Variants in ICE2 observed in about 807,000 individuals in gnomAD.
ICE2 encodes interactor of little elongation complex ELL subunit 2, also known as little elongation complex subunit 2.
ICE2 carries 87 observed loss-of-function variants against 105.4 expected under a neutral mutation model. The observed-to-expected ratio is 0.83, with a 90% CI of 0.69 to 0.99. ICE2 has a LOEUF of 0.99. ICE2 is among the 50% of genes least tolerant of loss of function. ICE2 has a pLI of 0.00. For synonymous variants in ICE2, 399 were observed against 392.0 expected (o/e 1.02, Z -0.21); for missense variants, 1,323 against 1,146.7 (o/e 1.15, Z -2.22).
intron 4 of ICE2, 48 bp from the exon 5 acceptor site, chr15:60,466,761 A>G: frequency 6.9e-7 from 1 of 1,449,186 alleles, no homozygotes; most frequent in Non-Finnish European, 9.4e-7. Context: ...AGTTTCATTA[A>G]AAAGAATCAC....
chr15:60,457,661 G>A (rs777295294), intron 5 of ICE2, among the ~76,000 whole-genome samples: 8 of 151,956 alleles, frequency 5.3e-5, no homozygotes, highest in Admixed American at 2.0e-4. Context: ...TTCATCTATA[G>A]TTTCAGAACC....
chr15:60,424,687 T>C (rs1301616360), intron 15 of ICE2, among the ~76,000 whole-genome samples: 2 of 152,198 alleles, frequency 1.3e-5, no homozygotes. Context: ...TTTTGTATTA[T>C]TAGTAGAGAT....
chr15:60,419,761 T>A lies in ICE2; in HGVS notation c.*3873A>T, dbSNP rs1017193373. On this transcript the variant is annotated 3_prime_UTR_variant, in exon 16 of 16. Transcript: ENST00000261520. The stretch of plus-strand genomic sequence containing the variant: ...AATACTACTATATACCTATAATGCA[T>A]AGAAAACGTCTTAACATCTTTACAA... 1 of 152,228 alleles carries A rather than the reference T, an allele frequency of 6.6e-6. No individual in the cohort carries two copies. Among genetic ancestry groups the A allele is most frequent in the South Asian group, 2.1e-4 (1 of 4,832 alleles). 9.4% of individuals were successfully genotyped at this position (152,228 alleles called of 1,614,324 possible). A position where few individuals can be genotyped will look rare whatever the true frequency, so the allele number is the denominator to read the frequency against.
Position 60,420,418 on chromosome 15 carries a change from T to C in ICE2, c.*3216A>G, listed in dbSNP as rs1308675045. 2 of 152,250 alleles carry C rather than the reference T, an allele frequency of 1.3e-5. No individual in the cohort carries two copies. The highest frequency in any genetic ancestry group is 2.4e-5 in the African/African-American group (1 of 41,448). 9.4% of individuals were successfully genotyped at this position (152,250 alleles called of 1,614,324 possible). On this transcript the variant is annotated 3_prime_UTR_variant, in exon 16 of 16. Transcript: ENST00000261520. ...ACACAGGCTCCCAACATTTCTTCTT[T>C]CGCTTCCCAGCTCCATCGCATTCTC...
rs370188878 is a variant in ICE2 at position 60,464,439 on chromosome 15, A to G, written c.528+2155T>C. 4.9e-4 allele frequency among the ~76,000 whole-genome samples: 75 copies of G among 152,324 alleles called. 1 individual carries two copies. The East Asian group carries it at 0.013, about 27-fold the overall frequency. On this transcript the variant is annotated intron_variant, in intron 5 of 15. Coordinates refer to ENST00000261520, the MANE Select transcript of ICE2 (RefSeq NM_024611.6). ...TGTGGTAAAGGGAAAAGTGAGGGTC[A>G]TACTACATTCCATAGGGTAATCAGG...
intron 13 of ICE2, among the ~76,000 whole-genome samples, chr15:60,435,035 G>A (rs150368992): frequency 0.018 from 2,708 of 152,258 alleles, 87 homozygotes; most frequent in African/African-American, 0.057. Context: ...TGTAATCTCA[G>A]CACTTGGGAG....
At chr15:60,454,859 C>T (rs1052133152) in intron 8 of ICE2, 144 bp downstream of exon 8, 1 of 650,704 alleles carries the variant, frequency 1.5e-6, no homozygotes, top group Non-Finnish European at 2.4e-6. Context: ...TCACCTTGCC[C>T]CCCACCCCCT....
At chr15:60,447,919 T>A in intron 11 of ICE2, 51 bp downstream of exon 11, 1 of 1,392,424 alleles carries the variant, frequency 7.2e-7, no homozygotes, top group Non-Finnish European at 1.0e-6. Flanking sequence ...ATGTTAAGTA[T>A]CTATTGATTA....
intron 12 of ICE2, chr15:60,440,387 CTA>C (rs1038915230): frequency 3.3e-5 from 5 of 152,036 alleles, no homozygotes; most frequent in African/African-American, 1.2e-4. Context: ...TGCAATGAGA[CTA>C]TGTGGGAAAC....
rs2063237025 is a variant in ICE2 at position 60,420,938 on chromosome 15, T to A, written c.*2696A>T. On this transcript the variant is annotated 3_prime_UTR_variant, in exon 16 of 16. Transcript: ENST00000261520. The stretch of plus-strand genomic sequence containing the variant: ...GTATTAGGTGTTTATTACTTAATGG[T>A]GAACAAAACAAATATGCCCCTGTCC... 1 of 150,800 alleles carries A rather than the reference T, an allele frequency of 6.6e-6. No homozygotes were observed. The highest frequency in any genetic ancestry group is 2.4e-5 in the African/African-American group (1 of 41,256). The allele number at this position is 150,800 out of a possible 1,614,324, so 9.3% of individuals were successfully genotyped here.
chr15:60,430,945 C>G (rs2063443861), intron 14 of ICE2, among the ~76,000 whole-genome samples: 2 of 152,080 alleles, frequency 1.3e-5, no homozygotes, highest in Non-Finnish European at 2.9e-5. Flanking sequence ...CACATCTCAG[C>G]TTTGCAATCT....
At chr15:60,450,360 A>C (rs1248913213) in intron 9 of ICE2, among the ~76,000 whole-genome samples, 1 of 152,226 alleles carries the variant, frequency 6.6e-6, no homozygotes, top group Non-Finnish European at 1.5e-5. Flanking sequence ...CTACTCAGGG[A>C]AAACAACTCT....
intron 9 of ICE2, 128 bp from the exon 10 acceptor site, chr15:60,449,969 A>G (rs1320031044): frequency 2.9e-6 from 2 of 700,678 alleles, no homozygotes; most frequent in East Asian, 5.3e-5. Context: ...TAATGGTTGT[A>G]AAAGGTTCTT....
chr15:60,450,799 T>C (rs1406245240), intron 9 of ICE2, among the ~76,000 whole-genome samples: 1 of 152,216 alleles, frequency 6.6e-6, no homozygotes. Context: ...GAAAATCTCT[T>C]GGCATAGTGG....
chr15:60,450,196 C>A (rs1053043396), intron 9 of ICE2, among the ~76,000 whole-genome samples: 8 of 152,160 alleles, frequency 5.3e-5, no homozygotes, highest in African/African-American at 1.7e-4. Flanking sequence ...TCATTTATGT[C>A]TACTCTATAG....
At chr15:60,464,061 T>C (rs570693105) in intron 5 of ICE2, among the ~76,000 whole-genome samples, 1 of 152,250 alleles carries the variant, frequency 6.6e-6, no homozygotes, top group Non-Finnish European at 1.5e-5. Flanking sequence ...CTTTTCCATA[T>C]GTACGTGACA....
intron 3 of ICE2, among the ~76,000 whole-genome samples, chr15:60,469,252 A>C (rs1044299969): frequency 1.3e-5 from 2 of 152,140 alleles, no homozygotes; most frequent in Non-Finnish European, 2.9e-5. Context: ...AAAAATGAGA[A>C]CACATGGACA....
rs762564387 is a variant in ICE2 at position 60,468,348 on chromosome 15, A to G, written c.147-26T>C. 11 of 1,557,982 alleles carry G rather than the reference A, an allele frequency of 7.1e-6. No homozygotes were observed. In the Middle Eastern group the frequency reaches 6.8e-4, roughly 96 times the overall value. On this transcript the variant is annotated intron_variant, in intron 3 of 15. Transcript: ENST00000261520. The stretch of plus-strand genomic sequence containing the variant: ...CTGGAAAACAAAATATAATTTACAA[A>G]TATGTGCTTTTCACATGAAGATTAC...
At chr15:60,437,433 C>T (rs1449107854) in intron 12 of ICE2, among the ~76,000 whole-genome samples, 1 of 151,350 alleles carries the variant, frequency 6.6e-6, no homozygotes, top group African/African-American at 2.4e-5. Context: ...CTCCTCAGTT[C>T]AAGCGATCCT....
Sources: gnomAD v4.1 joint callset for allele counts (sites outside exome capture counted in the v4.1 genomes callset) on GRCh38, gnomAD v4.1.1 for gene constraint, MANE v1.5 for transcripts, NCBI Gene and HGNC (gene_info 2026-07-23, HGNC 2026-07-21) for gene names.